TACC1: variants seen among roughly 807,000 people sequenced by gnomAD.
TACC1 encodes the protein transforming acidic coiled-coil-containing protein 1.
TACC1 carries 48 observed loss-of-function variants against 84.4 expected under a neutral mutation model. That is an observed-to-expected ratio of 0.57 (90% CI 0.45 to 0.72). TACC1 has a LOEUF of 0.72. Among genes scored for constraint, TACC1 ranks in the 30% least tolerant of loss-of-function variants. The pLI is 0.00. For missense variants in TACC1, 920 were observed against 973.0 expected, an observed-to-expected ratio of 0.95 and a Z score of 0.72; for synonymous variants, 372 against 376.3, an observed-to-expected ratio of 0.99 and a Z score of 0.13.
intron 3 of TACC1, among the ~76,000 whole-genome samples, chr8:38,768,638 CTT>C (rs1383511975): frequency 2.0e-5 from 3 of 152,006 alleles, no homozygotes; most frequent in African/African-American, 7.3e-5. Context: ...GAAGCTGTGT[CTT>C]AGGACTGAAG....
chr8:38,731,296 A>C (rs1212757453), intron 1 of TACC1, among the ~76,000 whole-genome samples: 1 of 152,182 alleles, frequency 6.6e-6, no homozygotes, highest in Non-Finnish European at 1.5e-5. Flanking sequence ...GCCTGGGTTC[A>C]CATCTCAGCT....
In TACC1 at chr8:38,794,972, TG is replaced by T. The variant is rs558015063; in HGVS notation, c.277+6154del. On this transcript the variant is annotated intron_variant, in intron 2 of 12. Transcript: ENST00000317827. ...GATTTTTTTGTACTGTATAATTCCA[TG>T]TTAAGGTATTTAAAGCTTGAAAATC... Among the ~76,000 whole-genome samples the T allele has an allele frequency of 2.4e-3, 360 of 152,346 alleles. 2 individuals carry two copies. Among genetic ancestry groups the T allele is most frequent in the African/African-American group, 8.0e-3 (334 of 41,578 alleles).
In TACC1 at chr8:38,848,209, G is replaced by A. The variant is rs1832664705; in HGVS notation, c.*186G>A. 9.0e-6 allele frequency: 5 copies of A among 555,650 alleles called. 1 individual carries two copies. The highest frequency in any genetic ancestry group is 8.0e-5 in the South Asian group (3 of 37,490). 34.4% of individuals were successfully genotyped at this position (555,650 alleles called of 1,614,324 possible). On this transcript the variant is annotated 3_prime_UTR_variant, in exon 13 of 13. Coordinates refer to ENST00000317827, the MANE Select transcript of TACC1 (RefSeq NM_006283.3). ...AACAGCCCTGGAAGAAACCCTAGAG[G>A]GTTGCATAGTCTAGAAAGGAGTGTG...
At chr8:38,768,067 T>TGAAGGAAGGAAGGAAG (rs72090925) in intron 3 of TACC1, among the ~76,000 whole-genome samples, 5 of 119,944 alleles carry the variant, frequency 4.2e-5, no homozygotes, top group African/African-American at 6.2e-5. Context: ...GACGCTGTCT[T>TGAAGGAAGGAAGGAAG]GAAGGAAGGA....
At position 38,849,320 on chromosome 8, in the gene TACC1, G is replaced by C. The variant is rs1832800532; in HGVS notation, c.*1297G>C. 6.6e-6 allele frequency: 1 copy of C among 152,144 alleles called. No individual in the cohort carries two copies. Among genetic ancestry groups the C allele is most frequent in the African/African-American group, 2.4e-5 (1 of 41,430 alleles). 9.4% of individuals were successfully genotyped at this position (152,144 alleles called of 1,614,324 possible). ...AAGCCAAATTCCTCAAGCTCTTACT[G>C]GACTCAGTTCAGAGTGGTGGGCCAT... On this transcript the variant is annotated 3_prime_UTR_variant, in exon 13 of 13. Transcript: ENST00000317827.
chr8:38,840,262 T>C lies in TACC1; in HGVS notation c.1955T>C (p.Met652Thr), dbSNP rs1296218944. 6.2e-7 allele frequency: 1 copy of C among 1,612,946 alleles called. No homozygotes were observed. Among genetic ancestry groups the C allele is most frequent in the Non-Finnish European group, 8.5e-7 (1 of 1,179,218 alleles). ...GAATATGAAAAGACTATTGCTCAAATGATTGGTAAGGAGAACATTTTGTTT... is the reference window on the plus strand; with the variant it reads ...GAATATGAAAAGACTATTGCTCAAACGATTGGTAAGGAGAACATTTTGTTT... The part of the protein sequence containing the change: ...VAEYEKTIAQ[M>T]IEDEQRTSMT... Residue 652 changes from methionine (M) to threonine (T), a missense_variant, in exon 9 of 13, where the codon ATG becomes ACG. Physicochemically the swap from Met to Thr is moderately conservative, Grantham distance 81. Transcript: ENST00000317827.
At position 38,819,982 on chromosome 8, in the gene TACC1, G is replaced by A; in HGVS notation, c.738G>A (p.Glu246=). The change falls in exon 3 of 13, where the codon GAG becomes GAA. Residue 246 remains glutamate (E), a synonymous_variant. Coordinates refer to ENST00000317827, the MANE Select transcript of TACC1 (RefSeq NM_006283.3). ...VPLRKKAIGG[E]FSDTNAAVEG... ...TGAGGAAGAAAGCAATTGGAGGAGA[G>A]TTCTCAGACACCAACGCTGCTGTGG... is the stretch of plus-strand genomic sequence containing the variant. 1.2e-6 allele frequency: 2 copies of A among 1,614,080 alleles called. No homozygotes were observed. Among genetic ancestry groups the A allele is most frequent in the Non-Finnish European group, 1.7e-6 (2 of 1,180,044 alleles).
chr8:38,802,392 G>T (rs1821600600), intron 2 of TACC1: 1 of 152,252 alleles, frequency 6.6e-6, no homozygotes, highest in South Asian at 2.1e-4. Flanking sequence ...TCTCATAGGA[G>T]TGCGAACCCT....
intron 3 of TACC1, among the ~76,000 whole-genome samples, chr8:38,758,986 T>C (rs1262892185): frequency 6.6e-6 from 1 of 152,212 alleles, no homozygotes; most frequent in African/African-American, 2.4e-5. Flanking sequence ...ACCATCCTTT[T>C]TCCTTTAATT....
At chr8:38,840,377 T>G in intron 9 of TACC1, 110 bp downstream of exon 9, 1 of 960,324 alleles carries the variant, frequency 1.0e-6, no homozygotes, top group Non-Finnish European at 1.6e-6. Context: ...ACAACAAACA[T>G]TTTTCATAGC....
intron 3 of TACC1, among the ~76,000 whole-genome samples, chr8:38,751,459 C>T (rs1285238912): frequency 6.6e-6 from 1 of 152,182 alleles, no homozygotes; most frequent in African/African-American, 2.4e-5. Flanking sequence ...TCATCTTGCT[C>T]ATTTGTACAA....
upstream of TACC1, among the ~76,000 whole-genome samples, chr8:38,783,082 CTATCTATCTATCTATCTATCTATCTA>C (rs1262251441): frequency 5.6e-5 from 6 of 107,390 alleles, no homozygotes; most frequent in African/African-American, 2.6e-4. Flanking sequence ...ATCTATCTAT[CTATCTATCTATCTATCTATCTATCTA>C]TATATATATA....
chr8:38,773,609 T>TCTATCTAGCTATCTATCTAGCTAGCTAG (rs1814162771), intron 3 of TACC1, among the ~76,000 whole-genome samples: 9 of 151,544 alleles, frequency 5.9e-5, no homozygotes, highest in African/African-American at 2.2e-4. Context: ...TATCTAGCTA[T>TCTATCTAGCTATCTATCTAGCTAGCTAG]CTATCTAGCT....
In TACC1 at chr8:38,736,643, C is replaced by A. The variant is rs115646670; in HGVS notation, c.-674-5708C>A. Among the ~76,000 whole-genome samples, 1,466 of 152,196 alleles carry A rather than the reference C, an allele frequency of 9.6e-3. 22 individuals are homozygous for A. Among genetic ancestry groups the A allele is most frequent in the African/African-American group, 0.033 (1,383 of 41,532 alleles). ...AAACAAAAGAATAAGATAATGATAACCTTTACAGGTTCCAGAGATTGGGAC... is the reference window on the plus strand; with the variant it reads ...AAACAAAAGAATAAGATAATGATAAACTTTACAGGTTCCAGAGATTGGGAC... On this transcript the variant is annotated intron_variant, in intron 1 of 14. Coordinates refer to the TACC1 transcript ENST00000518415.
At chr8:38,830,907 C>T (rs1588070752) in intron 5 of TACC1, among the ~76,000 whole-genome samples, 1 of 152,198 alleles carries the variant, frequency 6.6e-6, no homozygotes, top group African/African-American at 2.4e-5. Context: ...GGCTGACGAC[C>T]TGTTTGTGGC....
intron 1 of TACC1, among the ~76,000 whole-genome samples, chr8:38,733,405 TGGG>T (rs1563738503): frequency 6.6e-6 from 1 of 152,088 alleles, no homozygotes. Flanking sequence ...GCAGCTCTCT[TGGG>T]GGACTTTTAG....
chr8:38,829,970 TC>T, intron 5 of TACC1, among the ~76,000 whole-genome samples: 1 of 152,172 alleles, frequency 6.6e-6, no homozygotes, highest in Non-Finnish European at 1.5e-5. Context: ...AATGAGATTT[TC>T]ACACAGCCAT....
intron 2 of TACC1, among the ~76,000 whole-genome samples, chr8:38,792,718 G>T (rs1819004050): frequency 2.0e-5 from 3 of 152,130 alleles, no homozygotes; most frequent in Admixed American, 2.0e-4. Flanking sequence ...GCCCGCCTTG[G>T]CCTCCCAAAG....
At chr8:38,735,260 G>T (rs1800115337) in intron 1 of TACC1, among the ~76,000 whole-genome samples, 1 of 152,168 alleles carries the variant, frequency 6.6e-6, no homozygotes, top group African/African-American at 2.4e-5. Context: ...GAGTTGCCTT[G>T]GGTCACAGAG....
Sources: gnomAD v4.1 joint callset for allele counts (sites outside exome capture counted in the v4.1 genomes callset) on GRCh38, gnomAD v4.1.1 for gene constraint, MANE v1.5 for transcripts, NCBI Gene and HGNC (gene_info 2026-07-23, HGNC 2026-07-21) for gene names.